The following ATRNL1 variants were observed in gnomAD, a reference collection of about 807,000 sequenced individuals.
ATRNL1 encodes the protein attractin-like protein 1.
Under a neutral mutation model 182.7 loss-of-function variants are expected in ATRNL1, and 95 were observed. That is an observed-to-expected ratio of 0.52 (90% confidence interval 0.44 to 0.62). The LOEUF (loss-of-function observed/expected upper bound fraction) is 0.62, where lower values mean the gene tolerates loss of function less well. ATRNL1 is among the 20% of genes least tolerant of loss of function. The probability of loss-of-function intolerance (pLI) is 0.00; values close to 1 mark genes in which losing one functional copy is unlikely to be tolerated. For synonymous variants in ATRNL1, 576 were observed against 568.3 expected (o/e 1.01, Z -0.19); for missense variants, 1,471 against 1,679.5 (o/e 0.88, Z 2.17).
intron 27 of ATRNL1, among the ~76,000 whole-genome samples, chr10:115,843,498 C>T (rs78530753): frequency 0.016 from 2,449 of 152,172 alleles, 82 homozygotes; most frequent in African/African-American, 0.056. Flanking sequence ...TTTGAGTTGG[C>T]TTTGAGGGAC....
chr10:115,133,228 G>C (rs1187736581), intron 5 of ATRNL1, among the ~76,000 whole-genome samples: 4 of 152,132 alleles, frequency 2.6e-5, no homozygotes, highest in African/African-American at 9.7e-5. Flanking sequence ...GTTTGTCAAA[G>C]ATCAGGTGGT....
chr10:115,639,768 G>T (rs956109978), intron 26 of ATRNL1, among the ~76,000 whole-genome samples: 1 of 151,976 alleles, frequency 6.6e-6, no homozygotes, highest in Admixed American at 6.6e-5. Flanking sequence ...CAAAAGAAGA[G>T]AGAGGGATAA....
At chr10:115,151,036 A>G (rs1254372477) in intron 5 of ATRNL1, among the ~76,000 whole-genome samples, 1 of 152,180 alleles carries the variant, frequency 6.6e-6, no homozygotes, top group South Asian at 2.1e-4. Context: ...CCATGTCCCT[A>G]CAAAGGACAT....
rs144760742 is a variant in ATRNL1 at position 115,883,209 on chromosome 10, T to C, written c.4018+35218T>C. Among the ~76,000 whole-genome samples the C allele has an allele frequency of 1.9e-3, 293 of 152,290 alleles. 1 individual carries two copies. Among genetic ancestry groups the C allele is most frequent in the African/African-American group, 6.8e-3 (283 of 41,554 alleles). ...AGAAACTCTTTACCCCTCCTGCACA[T>C]CCAGTCTGCAAGCTCCAATGGAGAA... On this transcript the variant is annotated intron_variant, in intron 28 of 28. Coordinates refer to ENST00000355044, the MANE Select transcript of ATRNL1 (RefSeq NM_207303.4).
At chr10:115,197,695 T>C (rs549868600) in intron 8 of ATRNL1, among the ~76,000 whole-genome samples, 2 of 152,250 alleles carry the variant, frequency 1.3e-5, no homozygotes, top group South Asian at 4.1e-4. Context: ...GGAATCCATA[T>C]GTAGGAAAAA....
chr10:115,319,163 G>C (rs1401621740), intron 18 of ATRNL1, among the ~76,000 whole-genome samples: 1 of 152,132 alleles, frequency 6.6e-6, no homozygotes, highest in Non-Finnish European at 1.5e-5. Context: ...AGTCATTCAG[G>C]AGCAGGTTGT....
At chr10:115,703,088 A>T (rs1253322510) in intron 26 of ATRNL1, among the ~76,000 whole-genome samples, 5 of 152,016 alleles carry the variant, frequency 3.3e-5, no homozygotes, top group Non-Finnish European at 5.9e-5. Flanking sequence ...CAAGATAGAG[A>T]TCGCAGAAGT....
At chr10:115,614,538 T>A (rs1359138116) in intron 26 of ATRNL1, among the ~76,000 whole-genome samples, 3 of 152,170 alleles carry the variant, frequency 2.0e-5, no homozygotes, top group Non-Finnish European at 4.4e-5. Flanking sequence ...TCTGTTAGGT[T>A]TATTTGGTCT....
intron 28 of ATRNL1, among the ~76,000 whole-genome samples, chr10:115,878,797 C>G (rs182386925): frequency 2.3e-4 from 35 of 152,252 alleles, no homozygotes; most frequent in Admixed American, 2.1e-3. Flanking sequence ...ATGAGGCATA[C>G]AAGTAGCTCC....
At chr10:115,696,960 C>A (rs782737164) in intron 26 of ATRNL1, among the ~76,000 whole-genome samples, 1 of 151,950 alleles carries the variant, frequency 6.6e-6, no homozygotes, top group Non-Finnish European at 1.5e-5. Context: ...AGAACACAGT[C>A]ACTATCAGGA....
Position 115,944,624 on chromosome 10 carries a change from G to T in ATRNL1, c.4019-34G>T, listed in dbSNP as rs138863894. On this transcript the variant is annotated intron_variant, in intron 28 of 28. Transcript: ENST00000355044. ...CTGTTGCCATCCCAGAAATGTCTAA[G>T]CAAGCATTTAAATGCTTTTCTCTTT... is the stretch of plus-strand genomic sequence containing the variant. 6.1e-5 allele frequency: 96 copies of T among 1,573,222 alleles called. 1 individual carries two copies. Among genetic ancestry groups the T allele is most frequent in the African/African-American group, 3.8e-4 (28 of 73,548 alleles).
intron 27 of ATRNL1, among the ~76,000 whole-genome samples, chr10:115,760,787 A>G: frequency 6.6e-6 from 1 of 152,248 alleles, no homozygotes; most frequent in East Asian, 1.9e-4. Flanking sequence ...GTAGTAAGTA[A>G]TACCAGCAGA....
chr10:115,254,978 C>T (rs1316787319), intron 10 of ATRNL1, among the ~76,000 whole-genome samples: 1 of 152,158 alleles, frequency 6.6e-6, no homozygotes, highest in African/African-American at 2.4e-5. Flanking sequence ...GGGCTCTGTT[C>T]TGTTCCATTG....
At chr10:115,731,136 C>T (rs1947786138) in intron 27 of ATRNL1, among the ~76,000 whole-genome samples, 1 of 152,128 alleles carries the variant, frequency 6.6e-6, no homozygotes, top group African/African-American at 2.4e-5. Flanking sequence ...CAGACACACC[C>T]AGGATCCATA....
At chr10:115,596,786 G>A (rs782009997) in intron 26 of ATRNL1, among the ~76,000 whole-genome samples, 4 of 152,038 alleles carry the variant, frequency 2.6e-5, no homozygotes, top group Admixed American at 6.6e-5. Flanking sequence ...ATTACTTATT[G>A]TTATAAATCC....
At chr10:115,207,774 T>A (rs1310458905) in intron 8 of ATRNL1, among the ~76,000 whole-genome samples, 2 of 152,042 alleles carry the variant, frequency 1.3e-5, no homozygotes, top group Non-Finnish European at 2.9e-5. Context: ...ATCTTTGTTC[T>A]TCTGCTTTTT....
At chr10:115,094,143 CTGAT>C in intron 1 of ATRNL1, 100 bp downstream of exon 1, 1 of 1,179,670 alleles carries the variant, frequency 8.5e-7, no homozygotes, top group African/African-American at 1.6e-5. Context: ...GTCGCTGCCT[CTGAT>C]CCCCCGGCCG....
intron 23 of ATRNL1, among the ~76,000 whole-genome samples, chr10:115,468,652 G>A (rs546491583): frequency 6.6e-6 from 1 of 150,924 alleles, no homozygotes; most frequent in Admixed American, 6.6e-5. Context: ...ATTTAAAGCA[G>A]TGATGGTTCA....
At chr10:115,461,464 A>T (rs1318824180) in intron 21 of ATRNL1, among the ~76,000 whole-genome samples, 4 of 152,204 alleles carry the variant, frequency 2.6e-5, no homozygotes, top group South Asian at 2.1e-4. Flanking sequence ...AAACAAATAA[A>T]TACATTATAT....
Sources: gnomAD v4.1 joint callset for allele counts (sites outside exome capture counted in the v4.1 genomes callset) on GRCh38, gnomAD v4.1.1 for gene constraint, MANE v1.5 for transcripts, NCBI Gene and HGNC (gene_info 2026-07-23, HGNC 2026-07-21) for gene names.